The following MNAT1 variants were observed in gnomAD, a reference collection of about 807,000 sequenced individuals.
MNAT1 encodes the protein CDK-activating kinase assembly factor MAT1.
In MNAT1, 43 loss-of-function variants were observed where a neutral mutation model predicts 42.0. The ratio of observed to expected loss-of-function variants is 1.02; its 90% CI spans 0.80 to 1.32. The LOEUF (loss-of-function observed/expected upper bound fraction) is 1.32. Among genes scored for constraint, MNAT1 ranks in the 40% most tolerant of loss-of-function variants. The probability of loss-of-function intolerance (pLI) is 0.00; values close to 1 mark genes in which losing one functional copy is unlikely to be tolerated. For synonymous variants in MNAT1, 118 were observed against 120.0 expected (o/e 0.98, Z 0.11); for missense variants, 306 against 350.4 (o/e 0.87, Z 1.01).
intron 7 of MNAT1, among the ~76,000 whole-genome samples, chr14:60,939,876 T>G (rs2036102550): frequency 6.6e-6 from 1 of 152,186 alleles, no homozygotes; most frequent in African/African-American, 2.4e-5. Context: ...TAAGTCTCTT[T>G]GTAGGTCTCT....
At chr14:60,930,157 G>C (rs2035855637) in intron 7 of MNAT1, among the ~76,000 whole-genome samples, 1 of 150,932 alleles carries the variant, frequency 6.6e-6, no homozygotes, top group South Asian at 2.1e-4. Flanking sequence ...ATTTGCTTAA[G>C]AGGATATCCT....
intron 3 of MNAT1, among the ~76,000 whole-genome samples, chr14:60,801,785 A>C (rs2032209324): frequency 6.6e-6 from 1 of 152,210 alleles, no homozygotes; most frequent in Non-Finnish European, 1.5e-5. Context: ...CAAATACTAA[A>C]AACAGAACTA....
intron 7 of MNAT1, among the ~76,000 whole-genome samples, chr14:60,893,769 G>C (rs1395876680): frequency 6.6e-6 from 1 of 152,064 alleles, no homozygotes; most frequent in African/African-American, 2.4e-5. Context: ...AACAGGCTCT[G>C]TAAGCCTGAG....
intron 1 of MNAT1, among the ~76,000 whole-genome samples, chr14:60,777,986 C>T (rs2031312319): frequency 6.6e-6 from 1 of 152,170 alleles, no homozygotes; most frequent in Non-Finnish European, 1.5e-5. Flanking sequence ...CTATTGGCAA[C>T]AACTGAAGGA....
intron 6 of MNAT1, among the ~76,000 whole-genome samples, chr14:60,877,014 G>A (rs8011729): frequency 0.052 from 7,935 of 152,084 alleles, 667 homozygotes; most frequent in African/African-American, 0.18. Flanking sequence ...GTGCCATACC[G>A]TTTTCCACAG....
At chr14:60,929,162 A>ATATAT (rs1422031735) in intron 7 of MNAT1, among the ~76,000 whole-genome samples, 12 of 127,928 alleles carry the variant, frequency 9.4e-5, no homozygotes, top group African/African-American at 2.8e-4. Context: ...AAAAAAAAAA[A>ATATAT]AAAAAAAAAT....
At chr14:60,785,788 A>C (rs75373338) in intron 1 of MNAT1, among the ~76,000 whole-genome samples, 1 of 152,162 alleles carries the variant, frequency 6.6e-6, no homozygotes, top group Non-Finnish European at 1.5e-5. Context: ...TGCATTTGAC[A>C]AGGCACCTGG....
At chr14:60,785,186 T>A (rs2031608516) in intron 1 of MNAT1, among the ~76,000 whole-genome samples, 1 of 152,202 alleles carries the variant, frequency 6.6e-6, no homozygotes, top group Admixed American at 6.5e-5. Context: ...CAGGAATTGA[T>A]TTAAGTTCTT....
At chr14:60,846,187 C>A (rs1039970864) in intron 6 of MNAT1, among the ~76,000 whole-genome samples, 1 of 151,412 alleles carries the variant, frequency 6.6e-6, no homozygotes, top group Non-Finnish European at 1.5e-5. Flanking sequence ...TTCCTTCATT[C>A]CTTGTCTTGA....
chr14:60,866,486 C>T (rs2034205631), intron 6 of MNAT1, among the ~76,000 whole-genome samples: 1 of 151,730 alleles, frequency 6.6e-6, no homozygotes, highest in Non-Finnish European at 1.5e-5. Flanking sequence ...TAGCTTAGTT[C>T]CTTTCCTATT....
chr14:60,802,280 A>C (rs2032228330), intron 3 of MNAT1, among the ~76,000 whole-genome samples: 1 of 152,198 alleles, frequency 6.6e-6, no homozygotes, highest in Admixed American at 6.5e-5. Flanking sequence ...TGGTGACCAT[A>C]ATTAATAATA....
At chr14:60,953,433 C>T (rs571277786) in intron 7 of MNAT1, among the ~76,000 whole-genome samples, 13 of 152,066 alleles carry the variant, frequency 8.5e-5, no homozygotes, top group Non-Finnish European at 1.5e-4. Flanking sequence ...TTGGAATAGA[C>T]GTAGGAGGTC....
At chr14:60,869,040 A>ATATATATATATATATATATTTT (rs1465360826) in intron 6 of MNAT1, among the ~76,000 whole-genome samples, 22 of 113,014 alleles carry the variant, frequency 1.9e-4, no homozygotes, top group Non-Finnish European at 2.4e-4. Flanking sequence ...ATATATATAT[A>ATATATATATATATATATATTTT]TTTTTTTTTT....
intron 7 of MNAT1, among the ~76,000 whole-genome samples, chr14:60,925,627 T>A (rs557954632): frequency 6.6e-6 from 1 of 152,334 alleles, no homozygotes; most frequent in East Asian, 1.9e-4. Context: ...TCCATCAGGT[T>A]ACATTCACTT....
chr14:60,909,836 A>G (rs1158865861), intron 7 of MNAT1, among the ~76,000 whole-genome samples: 3 of 151,920 alleles, frequency 2.0e-5, no homozygotes, highest in Non-Finnish European at 4.4e-5. Flanking sequence ...TGAACTTTAA[A>G]GTAGTTTTTT....
chr14:60,868,109 G>A (rs528767810), intron 6 of MNAT1, among the ~76,000 whole-genome samples: 2 of 152,004 alleles, frequency 1.3e-5, no homozygotes, highest in East Asian at 1.9e-4. Flanking sequence ...TACTCAGAAT[G>A]AACAGCTTAT....
rs186024672 is a variant in MNAT1 at position 60,922,788 on chromosome 14, T to G, written c.809+42953T>G. On this transcript the variant is annotated intron_variant, in intron 7 of 7. Coordinates refer to ENST00000261245, the MANE Select transcript of MNAT1 (RefSeq NM_002431.4). ...TTGCCAAGGCCACAAGTTCAACGTATAAACTCAGTAGTTCAGAAATTTGGA... is the reference window on the plus strand; with the variant it reads ...TTGCCAAGGCCACAAGTTCAACGTAGAAACTCAGTAGTTCAGAAATTTGGA... Among the ~76,000 whole-genome samples the G allele has an allele frequency of 2.6e-3, 399 of 152,302 alleles. 1 individual carries two copies. The highest frequency in any genetic ancestry group is 9.2e-3 in the African/African-American group (384 of 41,572).
intron 1 of MNAT1, among the ~76,000 whole-genome samples, chr14:60,743,915 C>T (rs149453345): frequency 3.3e-4 from 50 of 152,064 alleles, no homozygotes; most frequent in African/African-American, 1.1e-3. Context: ...TTGTTTTGGT[C>T]GTAGAGTTTT....
intron 7 of MNAT1, among the ~76,000 whole-genome samples, chr14:60,917,167 G>A (rs1269647978): frequency 6.6e-6 from 1 of 152,122 alleles, no homozygotes; most frequent in Non-Finnish European, 1.5e-5. Context: ...TACTTTTAAG[G>A]TCTAAGGGAA....
Sources: gnomAD v4.1 joint callset for allele counts (sites outside exome capture counted in the v4.1 genomes callset) on GRCh38, gnomAD v4.1.1 for gene constraint, MANE v1.5 for transcripts, NCBI Gene and HGNC (gene_info 2026-07-23, HGNC 2026-07-21) for gene names.